Variants in ATP9B observed in about 807,000 individuals in gnomAD.
ATP9B encodes ATPase phospholipid transporting 9B.
Under a neutral mutation model 146.1 loss-of-function variants are expected in ATP9B, and 110 were observed. That is an observed-to-expected ratio of 0.75 (90% CI 0.65 to 0.88). The LOEUF (loss-of-function observed/expected upper bound fraction) is 0.88. Ranked by LOEUF, ATP9B falls within the 40% of genes least tolerant of loss-of-function variation. ATP9B has a pLI of 0.00. For missense variants in ATP9B, 1,499 were observed against 1,496.4 expected (o/e 1.00, Z -0.03); for synonymous variants, 604 against 569.7 (o/e 1.06, Z -0.86).
chr18:79,238,617 A>G (rs554128141), intron 11 of ATP9B, among the ~76,000 whole-genome samples: 2 of 152,192 alleles, frequency 1.3e-5, no homozygotes, highest in East Asian at 1.9e-4. Flanking sequence ...TCAATTCGCC[A>G]TGGTGGGCCC....
intron 15 of ATP9B, among the ~76,000 whole-genome samples, chr18:79,316,873 G>T (rs1363177508): frequency 3.3e-5 from 5 of 152,134 alleles, no homozygotes; most frequent in Admixed American, 1.3e-4. Flanking sequence ...AAGATTATTG[G>T]CAAAACATAG....
chr18:79,373,780 C>T (rs115486482), intron 27 of ATP9B, 118 bp from the exon 28 acceptor site: 14,625 of 1,021,130 alleles, frequency 0.014, 222 homozygotes, highest in African/African-American at 0.04. Context: ...TGAGCTGCTG[C>T]GCCTGGCCTA....
chr18:79,315,369 T>C (rs1347162463), intron 15 of ATP9B, among the ~76,000 whole-genome samples: 1 of 152,172 alleles, frequency 6.6e-6, no homozygotes, highest in Non-Finnish European at 1.5e-5. Flanking sequence ...TCAGGACCAA[T>C]AGAGAATAAA....
intron 11 of ATP9B, among the ~76,000 whole-genome samples, chr18:79,249,343 C>T (rs1011655276): frequency 6.6e-6 from 1 of 152,030 alleles, no homozygotes; most frequent in African/African-American, 2.4e-5. Context: ...ACAAATTTTC[C>T]CTTGGAGATT....
intron 11 of ATP9B, among the ~76,000 whole-genome samples, chr18:79,249,313 G>A (rs2095999923): frequency 6.6e-6 from 1 of 152,122 alleles, no homozygotes; most frequent in African/African-American, 2.4e-5. Context: ...GAATCATTGT[G>A]GTTGTCTTAG....
chr18:79,219,811 T>C (rs1250644647), intron 11 of ATP9B, among the ~76,000 whole-genome samples: 2 of 152,190 alleles, frequency 1.3e-5, no homozygotes, highest in Admixed American at 1.3e-4. Flanking sequence ...AAATCTGATA[T>C]AAGAAAGAAG....
intron 13 of ATP9B, among the ~76,000 whole-genome samples, chr18:79,290,426 G>A (rs557567166): frequency 6.6e-6 from 1 of 152,206 alleles, no homozygotes; most frequent in Non-Finnish European, 1.5e-5. Flanking sequence ...AGCCAGGTGC[G>A]GGATATAATC....
chr18:79,221,952 CTT>C (rs2095684167), intron 11 of ATP9B, among the ~76,000 whole-genome samples: 2 of 131,020 alleles, frequency 1.5e-5, no homozygotes, highest in African/African-American at 5.7e-5. Flanking sequence ...GAAAGAAAAA[CTT>C]ATGAAAAATT....
chr18:79,105,793 G>A (rs1446671014), intron 2 of ATP9B, among the ~76,000 whole-genome samples: 1 of 152,178 alleles, frequency 6.6e-6, no homozygotes, highest in Non-Finnish European at 1.5e-5. Flanking sequence ...ATTATTCCTA[G>A]TTCTAATGTC....
At chr18:79,173,672 C>A (rs1477857776) in intron 7 of ATP9B, 1 of 455,356 alleles carries the variant, frequency 2.2e-6, no homozygotes, top group Non-Finnish European at 4.4e-6. Context: ...TATTTTGTTC[C>A]ATTGATCTGT....
intron 1 of ATP9B, among the ~76,000 whole-genome samples, chr18:79,082,021 C>G (rs1273986685): frequency 6.6e-6 from 1 of 152,188 alleles, no homozygotes. Flanking sequence ...TGGTTCCATT[C>G]TCCCCGTCAC....
intron 29 of ATP9B, 46 bp downstream of exon 29, chr18:79,375,472 A>G (rs2280058): frequency 0.27 from 434,179 of 1,588,380 alleles, 62,661 homozygotes; most frequent in East Asian, 0.5. Flanking sequence ...AATTTAGCCA[A>G]ACAATATTGA....
At chr18:79,369,140 C>G (rs2097053626) in intron 26 of ATP9B, among the ~76,000 whole-genome samples, 1 of 152,158 alleles carries the variant, frequency 6.6e-6, no homozygotes, top group Admixed American at 6.5e-5. Flanking sequence ...TGTTGTTGTT[C>G]TAGTAAGAAT....
intron 14 of ATP9B, 124 bp downstream of exon 14, chr18:79,303,840 C>G (rs1241533890): frequency 3.4e-6 from 2 of 581,700 alleles, no homozygotes; most frequent in Non-Finnish European, 3.0e-6. Context: ...CATCCTGCTA[C>G]TTCAGTCGTC....
chr18:79,143,652 A>G (rs1208459320), intron 5 of ATP9B, 150 bp from the exon 6 acceptor site: 6 of 450,534 alleles, frequency 1.3e-5, no homozygotes, highest in Non-Finnish European at 2.4e-5. Flanking sequence ...GAAGTTAATT[A>G]TTAGTGACTG....
At chr18:79,256,742 C>T (rs184051544) in intron 12 of ATP9B, among the ~76,000 whole-genome samples, 25 of 152,182 alleles carry the variant, frequency 1.6e-4, no homozygotes, top group Middle Eastern at 3.4e-3. Context: ...TTTATTTAGT[C>T]GACATTTGCT....
At chr18:79,263,767 A>T (rs1314671224) in intron 12 of ATP9B, among the ~76,000 whole-genome samples, 3 of 152,146 alleles carry the variant, frequency 2.0e-5, no homozygotes, top group Non-Finnish European at 4.4e-5. Flanking sequence ...TGTGTACTCC[A>T]CACGTTAGCA....
At chr18:79,105,051 G>A (rs2146908313) in intron 2 of ATP9B, among the ~76,000 whole-genome samples, 1 of 152,288 alleles carries the variant, frequency 6.6e-6, no homozygotes, top group East Asian at 1.9e-4. Flanking sequence ...ACTAAGGAAT[G>A]TCCTACTGCC....
At chr18:79,087,893 AT>A (rs1403548484) in intron 1 of ATP9B, among the ~76,000 whole-genome samples, 5 of 152,094 alleles carry the variant, frequency 3.3e-5, no homozygotes, top group Non-Finnish European at 5.9e-5. Context: ...GTTTTTACTC[AT>A]TTTAAAAATA....
Sources: gnomAD v4.1 joint callset for allele counts (sites outside exome capture counted in the v4.1 genomes callset) on GRCh38, gnomAD v4.1.1 for gene constraint, MANE v1.5 for transcripts, NCBI Gene and HGNC (gene_info 2026-07-23, HGNC 2026-07-21) for gene names.